The following JAK1 variants were observed in gnomAD, a reference collection of about 807,000 sequenced individuals.
JAK1 encodes the protein Janus kinase 1.
A neutral mutation model predicts 136.6 loss-of-function variants in JAK1; 16 were observed. The ratio of observed to expected loss-of-function variants is 0.12; its 90% CI spans 0.08 to 0.18. The LOEUF (loss-of-function observed/expected upper bound fraction) is 0.18. JAK1 is among the 10% of genes least tolerant of loss of function. The pLI, the probability that JAK1 is intolerant of heterozygous loss-of-function variation, is 1.00. For synonymous variants in JAK1, 492 were observed against 519.5 expected (o/e 0.95, Z 0.72); for missense variants, 859 against 1,450.1 (o/e 0.59, Z 6.62).
chr1:64,924,738 G>C (rs1645553650), intron 1 of JAK1, among the ~76,000 whole-genome samples: 1 of 152,178 alleles, frequency 6.6e-6, no homozygotes, highest in South Asian at 2.1e-4. Flanking sequence ...CAGGACTGTA[G>C]AACTGCTGAC....
At chr1:64,866,675 A>C (rs1451871347) in intron 7 of JAK1, among the ~76,000 whole-genome samples, 191 bp downstream of exon 7, 1 of 152,248 alleles carries the variant, frequency 6.6e-6, no homozygotes, top group Non-Finnish European at 1.5e-5. Flanking sequence ...ATTTCTCTAC[A>C]TAACTCAATA....
chr1:65,060,351 G>C (rs1048071741), intron 1 of JAK1, among the ~76,000 whole-genome samples: 6 of 152,138 alleles, frequency 3.9e-5, no homozygotes, highest in African/African-American at 1.4e-4. Context: ...TACTTACCCT[G>C]AAACACTGAA....
At chr1:64,913,213 C>A (rs1258903946) in intron 1 of JAK1, among the ~76,000 whole-genome samples, 1 of 152,092 alleles carries the variant, frequency 6.6e-6, no homozygotes, top group Non-Finnish European at 1.5e-5. Context: ...TTTGTAGAGA[C>A]AGGGTCTCGC....
chr1:64,843,142 T>C (rs1264439403), intron 17 of JAK1, among the ~76,000 whole-genome samples: 1 of 152,120 alleles, frequency 6.6e-6, no homozygotes, highest in Non-Finnish European at 1.5e-5. Flanking sequence ...TCAGGGACTT[T>C]AAAAATCTGA....
At chr1:64,993,571 G>C (rs1485545588) in intron 2 of JAK1, 1 of 152,070 alleles carries the variant, frequency 6.6e-6, no homozygotes, top group Non-Finnish European at 1.5e-5. Flanking sequence ...TTTGTCTACA[G>C]TCCTGTAATC....
intron 2 of JAK1, among the ~76,000 whole-genome samples, chr1:64,975,223 G>A (rs1569797718): frequency 6.6e-6 from 1 of 152,024 alleles, no homozygotes; most frequent in South Asian, 2.1e-4. Context: ...AGCCTCCTCT[G>A]TAGCTAGGAC....
chr1:65,049,432 CAAT>C (rs150059717), intron 1 of JAK1, among the ~76,000 whole-genome samples: 2,559 of 152,074 alleles, frequency 0.017, 71 homozygotes, highest in African/African-American at 0.059. Flanking sequence ...AAACAAACAA[CAAT>C]GACAAAAAAC....
upstream of JAK1, among the ~76,000 whole-genome samples, chr1:64,970,695 C>T (rs1013825281): frequency 2.0e-5 from 3 of 149,332 alleles, no homozygotes; most frequent in Admixed American, 1.3e-4. Context: ...ACCTGGGAGG[C>T]GGAGGTTGCA....
chr1:64,852,102 A>G (rs1248356704), intron 11 of JAK1, among the ~76,000 whole-genome samples: 2 of 152,060 alleles, frequency 1.3e-5, no homozygotes, highest in African/African-American at 4.8e-5. Context: ...TTTCCTTTCT[A>G]ATTTTTTAAG....
At chr1:64,861,802 C>T (rs145210180) in intron 8 of JAK1, among the ~76,000 whole-genome samples, 2 of 152,286 alleles carry the variant, frequency 1.3e-5, no homozygotes, top group Admixed American at 1.3e-4. Context: ...AGGAATGGCA[C>T]TTCAGAAAAA....
At chr1:64,910,310 C>A (rs1342116022) in intron 1 of JAK1, among the ~76,000 whole-genome samples, 3 of 151,750 alleles carry the variant, frequency 2.0e-5, no homozygotes, top group East Asian at 3.9e-4. Context: ...GGATGGGCTA[C>A]GAATTTGGCT....
intron 1 of JAK1, among the ~76,000 whole-genome samples, chr1:64,887,740 G>A (rs181796715): frequency 6.6e-6 from 1 of 152,338 alleles, no homozygotes; most frequent in East Asian, 1.9e-4. Context: ...AAGATGCAAT[G>A]GATGTCCATG....
At chr1:65,002,700 C>A (rs1440713746) in intron 2 of JAK1, among the ~76,000 whole-genome samples, 2 of 152,194 alleles carry the variant, frequency 1.3e-5, no homozygotes, top group Non-Finnish European at 1.5e-5. Context: ...CCGGCGGCGG[C>A]GGAGGCGGGG....
chr1:64,907,663 C>A (rs1303604764), intron 1 of JAK1, among the ~76,000 whole-genome samples: 3 of 151,988 alleles, frequency 2.0e-5, no homozygotes, highest in Non-Finnish European at 4.4e-5. Context: ...ATATAACAAA[C>A]CTGCACATGT....
chr1:64,882,680 A>G (rs1427029790), intron 3 of JAK1, among the ~76,000 whole-genome samples: 5 of 152,166 alleles, frequency 3.3e-5, no homozygotes, highest in African/African-American at 1.2e-4. Context: ...TAACTTTAAG[A>G]CAACTCTCAC....
chr1:64,951,146 G>A (rs975794492), intron 1 of JAK1, among the ~76,000 whole-genome samples: 109 of 152,272 alleles, frequency 7.2e-4, no homozygotes, highest in Non-Finnish European at 2.9e-5. Flanking sequence ...CCTGAGAAAA[G>A]TAAACAAAAC....
chr1:64,994,645 C>T (rs1646687609), intron 2 of JAK1, among the ~76,000 whole-genome samples: 1 of 152,210 alleles, frequency 6.6e-6, no homozygotes, highest in Non-Finnish European at 1.5e-5. Context: ...TTTCCCAACA[C>T]TGCCGCATTC....
At chr1:64,973,321 G>A (rs1490143571) in intron 2 of JAK1, among the ~76,000 whole-genome samples, 1 of 145,808 alleles carries the variant, frequency 6.9e-6, no homozygotes, top group Non-Finnish European at 1.5e-5. Context: ...AAGGAAGGAA[G>A]GGAGGGAAGG....
chr1:64,874,732 T>C (rs1657288613), intron 4 of JAK1, among the ~76,000 whole-genome samples: 1 of 152,124 alleles, frequency 6.6e-6, no homozygotes, highest in Non-Finnish European at 1.5e-5. Context: ...AAAAGAACCA[T>C]GTCATGGAGA....
Sources: gnomAD v4.1 joint callset for allele counts (sites outside exome capture counted in the v4.1 genomes callset) on GRCh38, gnomAD v4.1.1 for gene constraint, MANE v1.5 for transcripts, NCBI Gene and HGNC (gene_info 2026-07-23, HGNC 2026-07-21) for gene names.